Variants in ESRRG observed in about 807,000 individuals in gnomAD.
ESRRG encodes estrogen-related receptor gamma.
ESRRG carries 13 observed loss-of-function variants against 44.0 expected under a neutral mutation model. The ratio of observed to expected loss-of-function variants is 0.30; its 90% CI spans 0.19 to 0.47. The LOEUF is 0.47. Ranked by LOEUF, ESRRG falls within the 20% of genes least tolerant of loss-of-function variation. ESRRG has a pLI of 1.00. For synonymous variants in ESRRG, 215 were observed against 214.6 expected, an observed-to-expected ratio of 1.00 and a Z score of -0.02; for missense variants, 395 against 580.6, an observed-to-expected ratio of 0.68 and a Z score of 3.29.
At chr1:216,894,463 TTA>T in intron 2 of ESRRG, among the ~76,000 whole-genome samples, 2 of 152,166 alleles carry the variant, frequency 1.3e-5, no homozygotes. Context: ...TCATCTATAT[TTA>T]CACAGCCCCT....
At chr1:216,965,376 T>A (rs1038157485) in intron 1 of ESRRG, among the ~76,000 whole-genome samples, 9 of 152,054 alleles carry the variant, frequency 5.9e-5, no homozygotes, top group African/African-American at 2.2e-4. Context: ...CAAGGCTTCA[T>A]CTATTAATTA....
chr1:216,641,442 T>A (rs2066405045), intron 3 of ESRRG, among the ~76,000 whole-genome samples: 2 of 152,348 alleles, frequency 1.3e-5, no homozygotes, highest in South Asian at 4.1e-4. Context: ...TCCCCTTTTA[T>A]ATAATAGATG....
intron 2 of ESRRG, among the ~76,000 whole-genome samples, chr1:216,885,987 A>G (rs1240116005): frequency 6.6e-6 from 1 of 151,986 alleles, no homozygotes; most frequent in Non-Finnish European, 1.5e-5. Flanking sequence ...TTTTTTTAAA[A>G]AAAAAACTCC....
At chr1:216,574,725 A>T (rs1389674783) in intron 3 of ESRRG, among the ~76,000 whole-genome samples, 2 of 151,360 alleles carry the variant, frequency 1.3e-5, no homozygotes, top group African/African-American at 2.5e-5. Context: ...TTTTGAAAAG[A>T]TCGTTAATGA....
At chr1:217,050,338 T>C (rs1228101565) in intron 1 of ESRRG, among the ~76,000 whole-genome samples, 3 of 152,194 alleles carry the variant, frequency 2.0e-5, no homozygotes, top group Non-Finnish European at 4.4e-5. Context: ...AATATAGCCC[T>C]TCTCCAGAAA....
Position 216,775,551 on chromosome 1 carries a change from C to CTTTTTTTTT in ESRRG, c.-13-98069_-13-98061dup, listed in dbSNP as rs71163765. Among the ~76,000 whole-genome samples, 114 of 74,816 alleles carry CTTTTTTTTT rather than the reference C, an allele frequency of 1.5e-3. 14 individuals are homozygous for CTTTTTTTTT. The highest frequency in any genetic ancestry group is 2.6e-3 in the East Asian group (7 of 2,672). 49.1% of individuals were successfully genotyped at this position (74,816 alleles called of 152,430 possible). ...TTCCCACCTAAATAAAATGTCACATCTTTTTTTTTTTTTTTTTTTTTTTTT... is the reference window on the plus strand; with the variant it reads ...TTCCCACCTAAATAAAATGTCACATCTTTTTTTTTTTTTTTTTTTTTTTTTTTTTTTTTT... On this transcript the variant is annotated intron_variant, in intron 2 of 7. Transcript: ENST00000359162.
intron 2 of ESRRG, among the ~76,000 whole-genome samples, chr1:216,806,363 C>A (rs1394702858): frequency 6.6e-6 from 1 of 152,126 alleles, no homozygotes. Context: ...AAGCCAATTA[C>A]CTTATGACTA....
intron 3 of ESRRG, among the ~76,000 whole-genome samples, chr1:216,642,570 A>G (rs2066669600): frequency 6.6e-6 from 1 of 152,302 alleles, no homozygotes; most frequent in Admixed American, 6.5e-5. Flanking sequence ...AATACTCTGC[A>G]TTAATGAGGG....
chr1:216,592,398 T>C (rs1269730234), intron 3 of ESRRG, among the ~76,000 whole-genome samples: 1 of 152,210 alleles, frequency 6.6e-6, no homozygotes, highest in Non-Finnish European at 1.5e-5. Flanking sequence ...GGAAGTAATA[T>C]TACCTCCAGT....
At chr1:216,566,327 G>A (rs1171324871) in intron 4 of ESRRG, among the ~76,000 whole-genome samples, 1 of 152,112 alleles carries the variant, frequency 6.6e-6, no homozygotes, top group African/African-American at 2.4e-5. Flanking sequence ...CACACTAATT[G>A]GATGGACTAA....
intron 2 of ESRRG, among the ~76,000 whole-genome samples, chr1:216,751,675 T>G (rs2092021478): frequency 6.6e-6 from 1 of 152,148 alleles, no homozygotes; most frequent in African/African-American, 2.4e-5. Context: ...TTCCTGTTTC[T>G]TCCCTGATAA....
chr1:216,816,203 G>A (rs1397956788), intron 2 of ESRRG, among the ~76,000 whole-genome samples: 1 of 152,190 alleles, frequency 6.6e-6, no homozygotes, highest in African/African-American at 2.4e-5. Flanking sequence ...CTGGAGTACT[G>A]TATGGAACAT....
chr1:216,994,564 A>G (rs1003202753), intron 1 of ESRRG, among the ~76,000 whole-genome samples: 2 of 152,096 alleles, frequency 1.3e-5, no homozygotes, highest in African/African-American at 4.8e-5. Flanking sequence ...ACAACACTCA[A>G]TTCAGTCCTA....
chr1:216,833,302 A>T (rs2095515254), intron 2 of ESRRG, among the ~76,000 whole-genome samples: 1 of 152,210 alleles, frequency 6.6e-6, no homozygotes. Flanking sequence ...TGTAATTTAG[A>T]AATAACGTGT....
At chr1:217,094,607 T>C (rs984039673), upstream of ESRRG, among the ~76,000 whole-genome samples, 1 of 152,244 alleles carries the variant, frequency 6.6e-6, no homozygotes, top group African/African-American at 2.4e-5. Context: ...AGATGTGCCT[T>C]ATCTTACATC....
At chr1:216,767,566 T>C (rs1240840446) in intron 2 of ESRRG, among the ~76,000 whole-genome samples, 1 of 152,164 alleles carries the variant, frequency 6.6e-6, no homozygotes, top group Non-Finnish European at 1.5e-5. Context: ...CTTTAAGCCT[T>C]TGATTGCTAC....
At chr1:216,522,174 T>C (rs948525032) in intron 5 of ESRRG, among the ~76,000 whole-genome samples, 1 of 151,916 alleles carries the variant, frequency 6.6e-6, no homozygotes, top group African/African-American at 2.4e-5. Context: ...TGTGTGTGTT[T>C]ATCCTTCCTG....
chr1:217,059,224 T>A (rs955028457), intron 1 of ESRRG, among the ~76,000 whole-genome samples: 1 of 150,134 alleles, frequency 6.7e-6, no homozygotes, highest in African/African-American at 2.4e-5. Context: ...TACTATTATA[T>A]AATAATTATG....
At chr1:217,038,048 C>T (rs980418152) in intron 1 of ESRRG, among the ~76,000 whole-genome samples, 2 of 152,192 alleles carry the variant, frequency 1.3e-5, no homozygotes, top group African/African-American at 2.4e-5. Flanking sequence ...AGGCTGCTTT[C>T]ACAGGCTGGC....
Sources: allele counts gnomAD v4.1 joint callset (sites outside exome capture counted in the v4.1 genomes callset), GRCh38; gene constraint gnomAD v4.1.1; transcripts MANE v1.5; gene names NCBI Gene and HGNC (gene_info 2026-07-23, HGNC 2026-07-21).